The following NR2F1-AS1 variants were observed in gnomAD, a reference collection of about 807,000 sequenced individuals.
NR2F1-AS1 encodes NR2F1 antisense RNA 1.
At chr5:93,437,635 A>G (rs1271219768) in intron 4 of NR2F1-AS1, among the ~76,000 whole-genome samples, 1 of 152,196 alleles carries the variant, frequency 6.6e-6, no homozygotes, top group Non-Finnish European at 1.5e-5. Context: ...CAAAAGCAGC[A>G]GAGGACTAAG....
intron 4 of NR2F1-AS1, among the ~76,000 whole-genome samples, chr5:93,465,902 C>T (rs1219966127): frequency 2.2e-5 from 3 of 136,816 alleles, no homozygotes; most frequent in Non-Finnish European, 4.6e-5. Flanking sequence ...GGAAGGGGAA[C>T]ATCACACATG....
chr5:93,562,128 G>A (rs1429487073), intron 2 of NR2F1-AS1, among the ~76,000 whole-genome samples: 4 of 140,654 alleles, frequency 2.8e-5, no homozygotes, highest in Admixed American at 1.5e-4. Context: ...TGGGAGAATC[G>A]CTTCTGGCCA....
chr5:93,581,379 G>A (rs1302798087), upstream of NR2F1-AS1: 4 of 152,204 alleles, frequency 2.6e-5, no homozygotes, highest in Admixed American at 6.5e-5. Flanking sequence ...TATGCGATTG[G>A]AGAATATGTA....
intron 4 of NR2F1-AS1, among the ~76,000 whole-genome samples, chr5:93,442,734 A>T (rs901513954): frequency 2.0e-5 from 3 of 152,212 alleles, no homozygotes; most frequent in Non-Finnish European, 4.4e-5. Context: ...GAATGGACAG[A>T]CTGCCTCCTG....
intron 4 of NR2F1-AS1, among the ~76,000 whole-genome samples, chr5:93,549,724 A>AT (rs2149911413): frequency 6.6e-6 from 1 of 152,286 alleles, no homozygotes; most frequent in South Asian, 2.1e-4. Flanking sequence ...AATTCTTAAT[A>AT]TATCAATCAC....
At chr5:93,549,418 C>A (rs1013567371) in intron 4 of NR2F1-AS1, among the ~76,000 whole-genome samples, 1 of 152,134 alleles carries the variant, frequency 6.6e-6, no homozygotes, top group African/African-American at 2.4e-5. Context: ...GGCACTGAAA[C>A]TCTGAGGTAC....
chr5:93,477,700 T>C (rs1750514140), intron 4 of NR2F1-AS1, among the ~76,000 whole-genome samples: 3 of 152,318 alleles, frequency 2.0e-5, no homozygotes, highest in Non-Finnish European at 2.9e-5. Flanking sequence ...GAGAGGCAGC[T>C]AGCCAGCCAG....
chr5:93,464,442 A>G (rs1750175667), intron 4 of NR2F1-AS1, among the ~76,000 whole-genome samples: 1 of 152,220 alleles, frequency 6.6e-6, no homozygotes, highest in Admixed American at 6.5e-5. Flanking sequence ...GTTTTAAAAT[A>G]GATGTTTTCA....
At position 93,439,443 on chromosome 5, in the gene NR2F1-AS1, C is replaced by T. The variant is rs1227796776; in HGVS notation, n.639-43901G>A. On this transcript the variant is annotated intron_variant and non_coding_transcript_variant, in intron 4 of 5. Transcript: ENST00000660523. ...CCAAGTAGCTGGGACTACAGGTGCC[C>T]GCTACCTCGCCCGGCTAATTTTTTG... Among the ~76,000 whole-genome samples the T allele has an allele frequency of 3.3e-5, 5 of 152,104 alleles. No homozygotes were observed. In the East Asian group the frequency reaches 5.8e-4, roughly 18 times the overall value.
intron 4 of NR2F1-AS1, among the ~76,000 whole-genome samples, chr5:93,531,160 G>A (rs1325076861): frequency 6.6e-6 from 1 of 152,150 alleles, no homozygotes; most frequent in Non-Finnish European, 1.5e-5. Flanking sequence ...CAGTATTCAT[G>A]ATATCAAGAA....
intron 4 of NR2F1-AS1, among the ~76,000 whole-genome samples, chr5:93,517,556 T>G (rs1256539028): frequency 1.3e-5 from 2 of 152,030 alleles, no homozygotes; most frequent in Non-Finnish European, 2.9e-5. Flanking sequence ...ATATACATTG[T>G]ATTAGATATT....
At chr5:93,456,957 C>T (rs1028404813) in intron 4 of NR2F1-AS1, among the ~76,000 whole-genome samples, 1 of 152,174 alleles carries the variant, frequency 6.6e-6, no homozygotes, top group East Asian at 1.9e-4. Flanking sequence ...CTTTAAAGAG[C>T]ACTATTGCCT....
chr5:93,481,476 T>C (rs922650204), intron 4 of NR2F1-AS1, among the ~76,000 whole-genome samples: 1 of 152,034 alleles, frequency 6.6e-6, no homozygotes, highest in African/African-American at 2.4e-5. Flanking sequence ...GAAACTTCAA[T>C]AGCCCACTTT....
At chr5:93,479,332 G>A (rs1431705133) in intron 4 of NR2F1-AS1, among the ~76,000 whole-genome samples, 1 of 152,200 alleles carries the variant, frequency 6.6e-6, no homozygotes, top group Admixed American at 6.5e-5. Context: ...TCAGCTGAAG[G>A]AAATTAAAAA....
intron 4 of NR2F1-AS1, among the ~76,000 whole-genome samples, chr5:93,521,300 T>C (rs893267631): frequency 6.6e-6 from 1 of 152,032 alleles, no homozygotes; most frequent in Non-Finnish European, 1.5e-5. Flanking sequence ...ATCCTGGACA[T>C]AGGAAAGGGC....
chr5:93,540,764 C>T (rs1352166599), intron 4 of NR2F1-AS1, among the ~76,000 whole-genome samples: 1 of 152,102 alleles, frequency 6.6e-6, no homozygotes, highest in Non-Finnish European at 1.5e-5. Flanking sequence ...CAAAAAAACA[C>T]ACACAAGTGT....
chr5:93,584,974 G>T, upstream of NR2F1-AS1: 1 of 905,460 alleles, frequency 1.1e-6, no homozygotes, highest in Non-Finnish European at 1.3e-6. Flanking sequence ...GCGCCCCGCG[G>T]CCCTCGGCGA....
At chr5:93,463,065 T>C (rs555689109) in intron 4 of NR2F1-AS1, among the ~76,000 whole-genome samples, 1 of 152,196 alleles carries the variant, frequency 6.6e-6, no homozygotes, top group East Asian at 1.9e-4. Context: ...ATGGGGAAAA[T>C]GTCTCCAGGC....
At chr5:93,432,794 T>C (rs1749353418) in intron 4 of NR2F1-AS1, among the ~76,000 whole-genome samples, 2 of 152,320 alleles carry the variant, frequency 1.3e-5, no homozygotes, top group African/African-American at 4.8e-5. Context: ...CCTGCTCTCA[T>C]ACCATGCCCA....
Sources: allele counts gnomAD v4.1 joint callset (sites outside exome capture counted in the v4.1 genomes callset), GRCh38; gene constraint gnomAD v4.1.1; transcripts MANE v1.5; gene names NCBI Gene and HGNC (gene_info 2026-07-23, HGNC 2026-07-21).